NSMCE2: variants seen among roughly 807,000 people sequenced by gnomAD.
NSMCE2 encodes the protein E3 SUMO-protein ligase NSE2.
In NSMCE2, 24 loss-of-function variants were observed where a neutral mutation model predicts 23.8. The ratio of observed to expected loss-of-function variants is 1.01; its 90% CI spans 0.73 to 1.42. NSMCE2 has a LOEUF of 1.42. Ranked by LOEUF, NSMCE2 falls within the 40% of genes most tolerant of loss-of-function variation. The pLI is 0.00. For missense variants in NSMCE2, 284 were observed against 296.5 expected (o/e 0.96, Z 0.31); for synonymous variants, 92 against 94.1 (o/e 0.98, Z 0.13).
intron 5 of NSMCE2, among the ~76,000 whole-genome samples, chr8:125,229,321 G>A (rs948754138): frequency 1.3e-5 from 2 of 152,142 alleles, no homozygotes; most frequent in African/African-American, 4.8e-5. Flanking sequence ...CATTAGATTC[G>A]TAGTCTCAAC....
intron 3 of NSMCE2, among the ~76,000 whole-genome samples, chr8:125,118,133 TGA>T: frequency 6.6e-6 from 1 of 152,080 alleles, no homozygotes; most frequent in Non-Finnish European, 1.5e-5. Context: ...GCGGATCACC[TGA>T]GGTCACGTGA....
chr8:125,228,462 G>T (rs944528153), intron 5 of NSMCE2, among the ~76,000 whole-genome samples: 1 of 152,182 alleles, frequency 6.6e-6, no homozygotes, highest in East Asian at 1.9e-4. Context: ...CAAGCTGGGT[G>T]CTGAGAAAAC....
chr8:125,280,417 A>G (rs752933140), intron 5 of NSMCE2, among the ~76,000 whole-genome samples: 2 of 152,256 alleles, frequency 1.3e-5, no homozygotes, highest in African/African-American at 4.8e-5. Context: ...TGGTTGCAAC[A>G]TCTGCTAAGC....
intron 7 of NSMCE2, among the ~76,000 whole-genome samples, chr8:125,358,332 CAA>C (rs750366594): frequency 6.9e-5 from 8 of 116,634 alleles, no homozygotes; most frequent in Admixed American, 8.8e-5. Context: ...GACTCTGTCT[CAA>C]AAAAAAAAAA....
chr8:125,320,698 A>C (rs1397924026), intron 5 of NSMCE2, among the ~76,000 whole-genome samples: 1 of 152,204 alleles, frequency 6.6e-6, no homozygotes, highest in Non-Finnish European at 1.5e-5. Context: ...ACATACAAAC[A>C]ATAAAAGAAT....
intron 3 of NSMCE2, among the ~76,000 whole-genome samples, chr8:125,149,394 G>A: frequency 6.6e-6 from 1 of 151,174 alleles, no homozygotes; most frequent in South Asian, 2.1e-4. Flanking sequence ...AATCATCTGT[G>A]GTATTATTCT....
chr8:125,290,065 TG>T (rs1828048316), intron 5 of NSMCE2, among the ~76,000 whole-genome samples: 1 of 152,138 alleles, frequency 6.6e-6, no homozygotes, highest in Non-Finnish European at 1.5e-5. Flanking sequence ...AAATCACTAG[TG>T]AGGAAAATGG....
intron 3 of NSMCE2, among the ~76,000 whole-genome samples, chr8:125,122,084 C>T (rs1586463930): frequency 1.3e-5 from 2 of 150,498 alleles, no homozygotes; most frequent in East Asian, 3.9e-4. Flanking sequence ...CACCGTTATG[C>T]CTGAAGATGA....
At chr8:125,179,029 T>C (rs1822646868) in intron 4 of NSMCE2, among the ~76,000 whole-genome samples, 1 of 152,206 alleles carries the variant, frequency 6.6e-6, no homozygotes, top group South Asian at 2.1e-4. Context: ...TGCCCTGATC[T>C]TGGACTTCTT....
intron 3 of NSMCE2, among the ~76,000 whole-genome samples, chr8:125,105,288 C>G (rs1035749061): frequency 2.6e-5 from 4 of 152,178 alleles, no homozygotes; most frequent in African/African-American, 9.6e-5. Context: ...CCTACCCAGT[C>G]TGTTTTTGAT....
intron 1 of NSMCE2, among the ~76,000 whole-genome samples, chr8:125,097,329 A>C (rs981823753): frequency 5.3e-5 from 8 of 152,170 alleles, no homozygotes; most frequent in African/African-American, 1.9e-4. Context: ...CATGATGACC[A>C]CTAGACCCAA....
At chr8:125,290,150 A>G (rs975885989) in intron 5 of NSMCE2, among the ~76,000 whole-genome samples, 5 of 152,180 alleles carry the variant, frequency 3.3e-5, no homozygotes, top group African/African-American at 1.2e-4. Context: ...TGCATTTTTC[A>G]TGACGTTAAA....
intron 3 of NSMCE2, among the ~76,000 whole-genome samples, chr8:125,145,626 C>T (rs1820635484): frequency 6.6e-6 from 1 of 152,264 alleles, no homozygotes; most frequent in South Asian, 2.1e-4. Context: ...TTTGAATATT[C>T]CTAGCCTCCC....
intron 7 of NSMCE2, among the ~76,000 whole-genome samples, chr8:125,366,026 G>GC (rs1210735950): frequency 1.3e-5 from 2 of 152,074 alleles, no homozygotes; most frequent in Non-Finnish European, 2.9e-5. Flanking sequence ...TACTGCCTCA[G>GC]CCCAGACCAC....
chr8:125,364,644 A>C (rs1240628632), intron 7 of NSMCE2, among the ~76,000 whole-genome samples: 1 of 152,230 alleles, frequency 6.6e-6, no homozygotes, highest in Non-Finnish European at 1.5e-5. Flanking sequence ...TGTGGGATAT[A>C]TGCAAGATAG....
chr8:125,232,618 A>G (rs1825372534), intron 5 of NSMCE2, among the ~76,000 whole-genome samples: 1 of 152,154 alleles, frequency 6.6e-6, no homozygotes, highest in Admixed American at 6.5e-5. Context: ...AATTTCAAAC[A>G]TATATAAAGT....
chr8:125,233,701 GAGATGAAACTCGTGAT>G (rs1288848673), intron 5 of NSMCE2, among the ~76,000 whole-genome samples: 1 of 152,120 alleles, frequency 6.6e-6, no homozygotes, highest in African/African-American at 2.4e-5. Context: ...AGAGATGGAG[GAGATGAAACTCGTGAT>G]AAGATTGTCA....
At chr8:125,313,920 T>C (rs1008419729) in intron 5 of NSMCE2, among the ~76,000 whole-genome samples, 3 of 152,214 alleles carry the variant, frequency 2.0e-5, no homozygotes, top group Non-Finnish European at 4.4e-5. Context: ...GATGCTTTCT[T>C]ACTCTATCTT....
rs1262576450 is a variant in NSMCE2, at chr8:125,324,643, C to T, written c.419-32576C>T. Among the ~76,000 whole-genome samples, 4 of 47,450 alleles carry T rather than the reference C, an allele frequency of 8.4e-5. 1 individual carries two copies. The highest frequency in any genetic ancestry group is 2.0e-4 in the Non-Finnish European group (3 of 14,646). 31.1% of individuals were successfully genotyped at this position (47,450 alleles called of 152,430 possible). On this transcript the variant is annotated intron_variant, in intron 5 of 7. Transcript: ENST00000287437. Reference sequence around the variant, plus strand: ...AGGCTGGAGTGCAGTGGCGCAATCTCGGCTCACTGCAAGCTCCGCCTCCCG... The same window carrying T: ...AGGCTGGAGTGCAGTGGCGCAATCTTGGCTCACTGCAAGCTCCGCCTCCCG...
Sources: allele counts gnomAD v4.1 joint callset (sites outside exome capture counted in the v4.1 genomes callset), GRCh38; gene constraint gnomAD v4.1.1; transcripts MANE v1.5; gene names NCBI Gene and HGNC (gene_info 2026-07-23, HGNC 2026-07-21).